KALRN: variants seen among roughly 807,000 people sequenced by gnomAD.
The protein encoded by KALRN is kalirin.
In KALRN, 70 loss-of-function variants were observed where a neutral mutation model predicts 353.7. The ratio of observed to expected loss-of-function variants is 0.20; its 90% CI spans 0.16 to 0.24. KALRN has a LOEUF of 0.24. KALRN is among the 10% of genes least tolerant of loss of function. The probability of loss-of-function intolerance (pLI) is 1.00; values close to 1 mark genes in which losing one functional copy is unlikely to be tolerated. For missense variants in KALRN, 2,791 were observed against 3,756.7 expected, an observed-to-expected ratio of 0.74 and a Z score of 6.72; for synonymous variants, 1,391 against 1,434.8, an observed-to-expected ratio of 0.97 and a Z score of 0.69.
chr3:124,330,039 T>C (rs749868224), intron 8 of KALRN, 47 bp downstream of exon 8: 2 of 1,601,674 alleles, frequency 1.2e-6, no homozygotes, highest in East Asian at 2.2e-5. Flanking sequence ...TGTCTGCATG[T>C]GGGTGGGTGA....
intron 38 of KALRN, among the ~76,000 whole-genome samples, chr3:124,654,106 C>G (rs1389911819): frequency 1.3e-5 from 2 of 152,230 alleles, no homozygotes; most frequent in Non-Finnish European, 2.9e-5. Flanking sequence ...CCCTCCCAGC[C>G]CCATATTCCC....
chr3:124,148,167 G>C (rs562486052), intron 1 of KALRN, among the ~76,000 whole-genome samples: 9 of 152,298 alleles, frequency 5.9e-5, no homozygotes, highest in African/African-American at 2.2e-4. Flanking sequence ...TGTTTAGTCA[G>C]TAGCAGGCCA....
chr3:124,523,433 C>T (rs1049845687), intron 33 of KALRN, among the ~76,000 whole-genome samples: 8 of 152,166 alleles, frequency 5.3e-5, no homozygotes, highest in Admixed American at 2.0e-4. Context: ...GGGTATTTTA[C>T]GGAGAAAATG....
intron 47 of KALRN, among the ~76,000 whole-genome samples, chr3:124,668,229 T>C (rs1209158517): frequency 6.6e-6 from 1 of 152,226 alleles, no homozygotes. Context: ...TGTCACCTTT[T>C]CATGCCAGTA....
rs558007081 is a variant in KALRN, at chr3:124,537,855, G to T, written c.4936-24988G>T. On this transcript the variant is annotated intron_variant, in intron 33 of 59. Coordinates refer to ENST00000682506, the MANE Select transcript of KALRN (RefSeq NM_001388419.1). ...AGGAATAGGAGAAGAAGGAAGATGA[G>T]CATGCTCACATTCTATGACCTCTGT... 3.3e-5 allele frequency among the ~76,000 whole-genome samples: 5 copies of T among 152,276 alleles called. No individual in the cohort carries two copies. In the East Asian group the frequency reaches 9.6e-4, roughly 29 times the overall value.
chr3:124,249,294 G>A (rs1038606150), intron 3 of KALRN, among the ~76,000 whole-genome samples: 2 of 152,182 alleles, frequency 1.3e-5, no homozygotes, highest in African/African-American at 4.8e-5. Flanking sequence ...ATCCACAGGA[G>A]AAGACAAAAA....
At chr3:124,474,487 A>G (rs13060595) in intron 25 of KALRN, among the ~76,000 whole-genome samples, 176 bp from the exon 26 acceptor site, 2 of 152,218 alleles carry the variant, frequency 1.3e-5, no homozygotes, top group Non-Finnish European at 2.9e-5. Context: ...CAATTAACAT[A>G]CATTTTAATG....
chr3:124,291,614 T>C (rs2076425457), intron 5 of KALRN, among the ~76,000 whole-genome samples: 1 of 152,088 alleles, frequency 6.6e-6, no homozygotes, highest in African/African-American at 2.4e-5. Context: ...GGATTTGAGA[T>C]TTAAGGAATT....
At chr3:124,430,305 A>G (rs545905967) in intron 15 of KALRN, among the ~76,000 whole-genome samples, 67 of 152,358 alleles carry the variant, frequency 4.4e-4, no homozygotes, top group Non-Finnish European at 8.8e-4. Flanking sequence ...AAAGGATACC[A>G]ACAGATGGAA....
rs780486751 is a variant in KALRN at position 124,664,371 on chromosome 3, G to GTGTGTGCGCGCGCGCGCGTGCA, written c.6346-2078_6346-2077insTGTGTGCGCGCGCGCGCGTGCA. Among the ~76,000 whole-genome samples, 272 of 77,030 alleles carry GTGTGTGCGCGCGCGCGCGTGCA rather than the reference G, an allele frequency of 3.5e-3. 2 individuals are homozygous for GTGTGTGCGCGCGCGCGCGTGCA. The highest frequency in any genetic ancestry group is 0.021 in the African/African-American group (199 of 9,454). 50.5% of individuals were successfully genotyped at this position (77,030 alleles called of 152,430 possible). A position where few individuals can be genotyped will look rare whatever the true frequency, so the allele number is the denominator to read the frequency against. ...TGTGTGTGTGTGTGTGTGTGTGTGT[G>GTGTGTGCGCGCGCGCGCGTGCA]CGCGCGCGCGCATATAAGGGCACCC... On this transcript the variant is annotated intron_variant, in intron 45 of 59. Transcript: ENST00000682506.
intron 54 of KALRN, among the ~76,000 whole-genome samples, chr3:124,696,661 A>G (rs760013645): frequency 6.6e-6 from 1 of 152,066 alleles, no homozygotes; most frequent in Admixed American, 6.5e-5. Context: ...GATTGCAGGC[A>G]TGAGCCACTG....
chr3:124,068,963 G>T (rs1246056465), intron 1 of KALRN, among the ~76,000 whole-genome samples: 4 of 152,182 alleles, frequency 2.6e-5, no homozygotes, highest in Non-Finnish European at 5.9e-5. Context: ...GAAGACTGAG[G>T]ATGTAAAGTG....
intron 34 of KALRN, among the ~76,000 whole-genome samples, chr3:124,606,534 GAC>G (rs1269855302): frequency 6.6e-6 from 1 of 152,114 alleles, no homozygotes; most frequent in East Asian, 1.9e-4. Context: ...AACCATAAAA[GAC>G]AAATATAAAG....
intron 10 of KALRN, among the ~76,000 whole-genome samples, chr3:124,367,605 A>ACCTC (rs2085054503): frequency 4.2e-5 from 1 of 24,012 alleles, no homozygotes; most frequent in Non-Finnish European, 7.8e-5. Flanking sequence ...GGCGCCCCTC[A>ACCTC]CCTCCCGGAC....
At chr3:124,122,265 G>A (rs1455535601) in intron 1 of KALRN, among the ~76,000 whole-genome samples, 2 of 152,080 alleles carry the variant, frequency 1.3e-5, no homozygotes, top group African/African-American at 4.8e-5. Context: ...CTGTGATTGT[G>A]TCCTTCAGCA....
intron 21 of KALRN, among the ~76,000 whole-genome samples, chr3:124,451,293 G>A (rs1404860677): frequency 2.6e-5 from 4 of 151,784 alleles, no homozygotes; most frequent in South Asian, 2.1e-4. Context: ...GAAAGAGAGA[G>A]GGAGGGATAG....
chr3:124,702,243 A>T (rs1435063893), intron 57 of KALRN, 127 bp downstream of exon 57: 1 of 539,654 alleles, frequency 1.9e-6, no homozygotes, highest in African/African-American at 1.9e-5. Context: ...GCAAGAAAAA[A>T]ACTAAAATAT....
intron 33 of KALRN, among the ~76,000 whole-genome samples, chr3:124,534,658 C>T (rs1044427522): frequency 6.6e-6 from 1 of 151,984 alleles, no homozygotes; most frequent in African/African-American, 2.4e-5. Context: ...GTGGGGTGAT[C>T]AAAAGGTGTG....
intron 39 of KALRN, 29 bp downstream of exon 39, chr3:124,655,696 G>T: frequency 6.3e-7 from 1 of 1,580,892 alleles, no homozygotes. Flanking sequence ...GTGGGTCTGT[G>T]GTCACCCAAC....
Sources: allele counts gnomAD v4.1 joint callset (sites outside exome capture counted in the v4.1 genomes callset), GRCh38; gene constraint gnomAD v4.1.1; transcripts MANE v1.5; gene names NCBI Gene and HGNC (gene_info 2026-07-23, HGNC 2026-07-21).